Variants in LDLRAD3 observed in about 807,000 individuals in gnomAD.
LDLRAD3 encodes low density lipoprotein receptor class A domain containing 3, also known as low-density lipoprotein receptor class A domain-containing protein 3.
In LDLRAD3, 20 loss-of-function variants were observed where a neutral mutation model predicts 29.4. The ratio of observed to expected loss-of-function variants is 0.68; its 90% CI spans 0.48 to 0.99. The LOEUF (loss-of-function observed/expected upper bound fraction) is 0.99. Ranked by LOEUF, LDLRAD3 falls within the 50% of genes least tolerant of loss-of-function variation. The pLI is 0.00. For synonymous variants in LDLRAD3, 157 were observed against 192.7 expected, an observed-to-expected ratio of 0.81 and a Z score of 1.53; for missense variants, 420 against 454.3, an observed-to-expected ratio of 0.92 and a Z score of 0.69.
intron 1 of LDLRAD3, among the ~76,000 whole-genome samples, chr11:35,979,954 T>C (rs1030864001): frequency 8.5e-5 from 13 of 152,234 alleles, no homozygotes; most frequent in African/African-American, 2.9e-4. Flanking sequence ...GAAGGCCTGA[T>C]GTCTCTTTGC....
intron 1 of LDLRAD3, among the ~76,000 whole-genome samples, chr11:36,024,859 T>C (rs1432032613): frequency 1.3e-5 from 2 of 152,254 alleles, no homozygotes; most frequent in African/African-American, 2.4e-5. Flanking sequence ...ACAGCTTTAC[T>C]GTGGCTTTCC....
intron 1 of LDLRAD3, among the ~76,000 whole-genome samples, chr11:35,993,793 G>A (rs757984716): frequency 2.6e-5 from 4 of 152,126 alleles, no homozygotes; most frequent in Non-Finnish European, 4.4e-5. Flanking sequence ...TGATTCAGAC[G>A]TGTGGCCCCT....
intron 4 of LDLRAD3, among the ~76,000 whole-genome samples, chr11:36,215,288 G>A (rs956739906): frequency 6.6e-6 from 1 of 152,192 alleles, no homozygotes; most frequent in African/African-American, 2.4e-5. Context: ...GCCATGTTAA[G>A]GACTTTGGAC....
chr11:36,011,802 C>G (rs139523327), intron 1 of LDLRAD3, among the ~76,000 whole-genome samples: 1 of 152,106 alleles, frequency 6.6e-6, no homozygotes, highest in Non-Finnish European at 1.5e-5. Context: ...AAGTAGCTAC[C>G]CGATGCAGTG....
chr11:36,174,227 A>T (rs1450704004), intron 4 of LDLRAD3, among the ~76,000 whole-genome samples: 2 of 152,268 alleles, frequency 1.3e-5, no homozygotes, highest in Admixed American at 6.5e-5. Flanking sequence ...GATGGATTAA[A>T]GACTTAAATG....
chr11:36,024,735 T>C (rs894115084), intron 1 of LDLRAD3, among the ~76,000 whole-genome samples: 1 of 152,218 alleles, frequency 6.6e-6, no homozygotes, highest in African/African-American at 2.4e-5. Context: ...CAGGGGGCCC[T>C]ACCAAGTCAC....
intron 1 of LDLRAD3, among the ~76,000 whole-genome samples, chr11:35,979,982 G>A (rs542088806): frequency 6.6e-6 from 1 of 152,238 alleles, no homozygotes; most frequent in Admixed American, 6.5e-5. Context: ...ATCTAAACCG[G>A]CTGTTTAAGT....
intron 2 of LDLRAD3, among the ~76,000 whole-genome samples, chr11:36,078,567 G>A (rs920772818): frequency 6.6e-6 from 1 of 152,216 alleles, no homozygotes; most frequent in African/African-American, 2.4e-5. Context: ...CCAGGGAGCT[G>A]GAGCAGACAC....
chr11:36,095,337 C>T (rs1052655056), intron 3 of LDLRAD3, among the ~76,000 whole-genome samples: 2 of 152,136 alleles, frequency 1.3e-5, no homozygotes, highest in African/African-American at 4.8e-5. Flanking sequence ...TATGAGACTT[C>T]CTCTCCCTCC....
intron 4 of LDLRAD3, among the ~76,000 whole-genome samples, chr11:36,215,029 C>A (rs949846409): frequency 6.6e-6 from 1 of 151,594 alleles, no homozygotes; most frequent in African/African-American, 2.4e-5. Context: ...TGAAGGTAGA[C>A]GAGGTGGGTG....
intron 4 of LDLRAD3, among the ~76,000 whole-genome samples, chr11:36,151,378 A>G (rs892177149): frequency 6.6e-6 from 1 of 152,148 alleles, no homozygotes; most frequent in African/African-American, 2.4e-5. Flanking sequence ...AATACAGAAG[A>G]GAGGCACTGC....
chr11:36,072,472 G>A (rs1852922737), intron 2 of LDLRAD3, among the ~76,000 whole-genome samples: 1 of 152,206 alleles, frequency 6.6e-6, no homozygotes, highest in Non-Finnish European at 1.5e-5. Flanking sequence ...ATGATGTCTG[G>A]GGAAGAGCCT....
At chr11:36,031,654 A>G (rs1391843659) in intron 1 of LDLRAD3, among the ~76,000 whole-genome samples, 1 of 152,162 alleles carries the variant, frequency 6.6e-6, no homozygotes, top group East Asian at 1.9e-4. Context: ...GTACAGACAC[A>G]CCAGTAAGCA....
chr11:36,054,424 T>A (rs1291487343), intron 2 of LDLRAD3, among the ~76,000 whole-genome samples: 3 of 152,218 alleles, frequency 2.0e-5, no homozygotes, highest in African/African-American at 7.2e-5. Context: ...AGTAGACCGG[T>A]ATGCCATGGC....
At chr11:35,989,961 C>T (rs946463652) in intron 1 of LDLRAD3, among the ~76,000 whole-genome samples, 2 of 152,104 alleles carry the variant, frequency 1.3e-5, no homozygotes, top group Non-Finnish European at 2.9e-5. Context: ...ATAGGAAAAC[C>T]ACTCTACAGA....
At position 36,044,804 on chromosome 11, in the gene LDLRAD3, A is replaced by G. The variant is rs139262363; in HGVS notation, c.193+8555A>G. On this transcript the variant is annotated intron_variant, in intron 2 of 5. Coordinates refer to ENST00000315571, the MANE Select transcript of LDLRAD3 (RefSeq NM_174902.4). ...TTGGAGGTACCTCTTCTGCATTCAGATGGGGACCTATGTCTTAATGGACCT... is the reference window on the plus strand; with the variant it reads ...TTGGAGGTACCTCTTCTGCATTCAGGTGGGGACCTATGTCTTAATGGACCT... Among the ~76,000 whole-genome samples, 28 of 152,314 alleles carry G rather than the reference A, an allele frequency of 1.8e-4. No individual in the cohort carries two copies. The East Asian group carries it at 5.4e-3, about 29-fold the overall frequency.
chr11:36,006,506 C>T (rs990491560), intron 1 of LDLRAD3, among the ~76,000 whole-genome samples: 16 of 152,154 alleles, frequency 1.1e-4, no homozygotes, highest in African/African-American at 2.7e-4. Context: ...TCACCCTCCC[C>T]GAATCCCAGA....
At chr11:36,031,694 A>G (rs973544602) in intron 1 of LDLRAD3, among the ~76,000 whole-genome samples, 1 of 152,194 alleles carries the variant, frequency 6.6e-6, no homozygotes, top group African/African-American at 2.4e-5. Flanking sequence ...ACAGGACACT[A>G]CCAGCGTGAA....
chr11:36,148,113 G>A (rs1370838806), intron 4 of LDLRAD3, among the ~76,000 whole-genome samples: 1 of 151,966 alleles, frequency 6.6e-6, no homozygotes, highest in Non-Finnish European at 1.5e-5. Flanking sequence ...TCAGTGATCT[G>A]CCCACCTCGG....
Sources: allele counts gnomAD v4.1 joint callset (sites outside exome capture counted in the v4.1 genomes callset), GRCh38; gene constraint gnomAD v4.1.1; transcripts MANE v1.5; gene names NCBI Gene and HGNC (gene_info 2026-07-23, HGNC 2026-07-21).